PAX5: variants seen among roughly 807,000 people sequenced by gnomAD.
PAX5 encodes paired box 5.
PAX5 carries 9 observed loss-of-function variants against 43.7 expected under a neutral mutation model. The ratio of observed to expected loss-of-function variants is 0.21; its 90% confidence interval spans 0.12 to 0.36. The LOEUF is 0.36. PAX5 is among the 10% of genes least tolerant of loss of function. The probability of loss-of-function intolerance (pLI) is 1.00; values close to 1 mark genes in which losing one functional copy is unlikely to be tolerated. For synonymous variants in PAX5, 228 were observed against 214.3 expected, an observed-to-expected ratio of 1.06 and a Z score of -0.56; for missense variants, 383 against 532.7, an observed-to-expected ratio of 0.72 and a Z score of 2.77.
At chr9:37,030,126 G>A (rs923390886) in intron 1 of PAX5, among the ~76,000 whole-genome samples, 3 of 152,188 alleles carry the variant, frequency 2.0e-5, no homozygotes, top group African/African-American at 7.2e-5. Context: ...GTTCGGCTTC[G>A]GGACAGTGTT....
chr9:36,941,840 A>G (rs993113974), intron 6 of PAX5, among the ~76,000 whole-genome samples: 1 of 152,164 alleles, frequency 6.6e-6, no homozygotes, highest in Non-Finnish European at 1.5e-5. Flanking sequence ...CCTCCAGGAC[A>G]TGAGACTCAC....
chr9:37,005,892 A>G (rs1437367551), intron 4 of PAX5, among the ~76,000 whole-genome samples: 1 of 152,220 alleles, frequency 6.6e-6, no homozygotes, highest in African/African-American at 2.4e-5. Flanking sequence ...ACTAGGAAGT[A>G]TGACTCCCAC....
At chr9:36,850,444 A>G (rs1395576874) in intron 8 of PAX5, among the ~76,000 whole-genome samples, 2 of 152,154 alleles carry the variant, frequency 1.3e-5, no homozygotes, top group East Asian at 1.9e-4. Context: ...TGGGGAAGGA[A>G]ATGAAAGCCC....
intron 6 of PAX5, among the ~76,000 whole-genome samples, chr9:36,958,895 G>T (rs1054061623): frequency 6.6e-6 from 1 of 152,208 alleles, no homozygotes; most frequent in Non-Finnish European, 1.5e-5. Context: ...GAGGAAGCCA[G>T]ATACTGTCTG....
chr9:37,002,772 G>C lies in PAX5; in HGVS notation c.480C>G (p.Ser160=). ...AGGACACCTGCGTCACGGAGCCAGTGGACACTGCGCGGAGAAAGACGGGCG... is the reference window on the plus strand; with the variant it reads ...AGGACACCTGCGTCACGGAGCCAGTCGACACTGCGCGGAGAAAGACGGGCG... ...PVPASSHSIV[S]TGSVTQVSSV... The change falls in exon 5 of 10, where the codon TCC becomes TCG. Residue 160 remains serine, a synonymous_variant. Coordinates refer to ENST00000358127, the MANE Select transcript of PAX5 (RefSeq NM_016734.3). The C allele has an allele frequency of 6.2e-7, 1 of 1,608,492 alleles. No homozygotes were observed. The highest frequency in any genetic ancestry group is 1.3e-5 in the African/African-American group (1 of 74,994).
At chr9:36,987,781 G>T (rs1003589459) in intron 5 of PAX5, among the ~76,000 whole-genome samples, 2 of 152,200 alleles carry the variant, frequency 1.3e-5, no homozygotes, top group African/African-American at 4.8e-5. Flanking sequence ...CATAAATTAG[G>T]CCCCCAAACA....
At chr9:36,867,184 C>T (rs188176195) in intron 8 of PAX5, among the ~76,000 whole-genome samples, 308 of 152,240 alleles carry the variant, frequency 2.0e-3, no homozygotes, top group South Asian at 8.9e-3. Context: ...ACCCCACACC[C>T]GCAGTGCCCA....
At chr9:37,020,938 A>G in intron 1 of PAX5, 137 bp from the exon 2 acceptor site, 1 of 816,020 alleles carries the variant, frequency 1.2e-6, no homozygotes, top group Non-Finnish European at 1.9e-6. Context: ...CTGGAGTCCA[A>G]TCGTGCAAAC....
At chr9:36,915,852 A>G (rs1435918385) in intron 7 of PAX5, among the ~76,000 whole-genome samples, 2 of 152,124 alleles carry the variant, frequency 1.3e-5, no homozygotes, top group African/African-American at 4.8e-5. Flanking sequence ...TGAGAGAATC[A>G]CTTGAGCCCA....
chr9:37,027,720 T>C (rs1048347354), intron 1 of PAX5, among the ~76,000 whole-genome samples: 1 of 152,198 alleles, frequency 6.6e-6, no homozygotes, highest in Non-Finnish European at 1.5e-5. Flanking sequence ...CGCCCGGGGC[T>C]CAGCTCCCTC....
rs1322561812 is a variant in PAX5, at chr9:37,015,131, T to A, written c.276A>T (p.Thr92=). The part of the protein sequence containing the change: ...VIGGSKPKVA[T]PKVVEKIAEY... ...CAGCGATTTTTTCCACCACTTTGGG[T>A]GTGGCGACCTTTGGTTTGGATCCTC... is the stretch of plus-strand genomic sequence containing the variant. The change falls in exon 3 of 10, where the codon ACA becomes ACT. Residue 92 remains threonine (T), a synonymous_variant. Coordinates refer to ENST00000358127, the MANE Select transcript of PAX5 (RefSeq NM_016734.3). This position sits in a 1 kb window ranked among gnomAD's most constrained non-coding sequence, Gnocchi z 4.4. 2 of 1,614,202 alleles carry A rather than the reference T, an allele frequency of 1.2e-6. No homozygotes were observed. Among genetic ancestry groups the A allele is most frequent in the Non-Finnish European group, 1.7e-6 (2 of 1,180,034 alleles).
intron 3 of PAX5, among the ~76,000 whole-genome samples, chr9:37,012,394 C>T (rs1367011908): frequency 2.0e-5 from 3 of 152,172 alleles, no homozygotes; most frequent in Non-Finnish European, 4.4e-5. Flanking sequence ...TCTGTTGCTA[C>T]AACTGCCACA....
chr9:37,029,735 C>A (rs369565092), intron 1 of PAX5, among the ~76,000 whole-genome samples: 3 of 152,216 alleles, frequency 2.0e-5, no homozygotes, highest in African/African-American at 7.2e-5. Context: ...GTGACACCCC[C>A]ACCCCCAGCC....
intron 7 of PAX5, among the ~76,000 whole-genome samples, chr9:36,889,990 T>C (rs1827241712): frequency 2.0e-5 from 3 of 150,226 alleles, no homozygotes; most frequent in Admixed American, 2.0e-4. Context: ...TAGCTCATAA[T>C]GAACTTATCT....
chr9:36,854,624 T>A (rs1962314), intron 8 of PAX5, among the ~76,000 whole-genome samples: 3,446 of 152,048 alleles, frequency 0.023, 56 homozygotes, highest in Middle Eastern at 0.044. Context: ...GCCAAGCCTC[T>A]CCCCCTCGCA....
intron 6 of PAX5, among the ~76,000 whole-genome samples, chr9:36,925,833 C>A (rs1462272554): frequency 6.6e-6 from 1 of 152,152 alleles, no homozygotes; most frequent in Non-Finnish European, 1.5e-5. Flanking sequence ...ACCCAGTCAT[C>A]CTGCTGCCCT....
intron 8 of PAX5, among the ~76,000 whole-genome samples, chr9:36,865,290 C>T (rs1824759508): frequency 6.6e-6 from 1 of 152,220 alleles, no homozygotes; most frequent in African/African-American, 2.4e-5. Flanking sequence ...GCTCCCCACA[C>T]CTTGCCCTCT....
At chr9:36,998,122 T>G in intron 5 of PAX5, among the ~76,000 whole-genome samples, 1 of 152,234 alleles carries the variant, frequency 6.6e-6, no homozygotes, top group Non-Finnish European at 1.5e-5. Flanking sequence ...ATATGTTGCA[T>G]TCAGCCATAA....
chr9:36,897,378 G>C (rs1222049279), intron 7 of PAX5, among the ~76,000 whole-genome samples: 3 of 152,114 alleles, frequency 2.0e-5, no homozygotes, highest in African/African-American at 7.2e-5. Flanking sequence ...TGAGCCTCCA[G>C]GGGGACCTCA....
Sources: allele counts gnomAD v4.1 joint callset (sites outside exome capture counted in the v4.1 genomes callset), GRCh38; gene constraint gnomAD v4.1.1; non-coding constraint Gnocchi (gnomAD v3.1); transcripts MANE v1.5; gene names NCBI Gene and HGNC (gene_info 2026-07-23, HGNC 2026-07-21).